The following ATF1 variants were observed in gnomAD, a reference collection of about 807,000 sequenced individuals.
ATF1 encodes the protein cyclic AMP-dependent transcription factor ATF-1.
A neutral mutation model predicts 34.7 loss-of-function variants in ATF1; 16 were observed. That is an observed-to-expected ratio of 0.46 (90% CI 0.31 to 0.70). ATF1 has a LOEUF of 0.70. ATF1 is among the 30% of genes least tolerant of loss of function. The pLI is 0.05. For missense variants in ATF1, 255 were observed against 321.6 expected (o/e 0.79, Z 1.58); for synonymous variants, 105 against 113.1 (o/e 0.93, Z 0.46).
At chr12:50,786,849 A>G (rs1460132960) in intron 2 of ATF1, among the ~76,000 whole-genome samples, 1 of 152,118 alleles carries the variant, frequency 6.6e-6, no homozygotes, top group Non-Finnish European at 1.5e-5. Context: ...AAGCAACAGC[A>G]ATCTACCCCT....
chr12:50,766,139 T>C (rs1940629187), intron 1 of ATF1, among the ~76,000 whole-genome samples: 1 of 152,216 alleles, frequency 6.6e-6, no homozygotes, highest in African/African-American at 2.4e-5. Context: ...ACCCAACGGC[T>C]ACCTTTGGGT....
chr12:50,818,344 A>G (rs891980574), intron 6 of ATF1, among the ~76,000 whole-genome samples: 4 of 152,198 alleles, frequency 2.6e-5, no homozygotes, highest in African/African-American at 7.2e-5. Flanking sequence ...CAGGAGGTCA[A>G]GGTTGCAATG....
chr12:50,790,539 A>G (rs1941280498), intron 2 of ATF1, among the ~76,000 whole-genome samples: 1 of 152,116 alleles, frequency 6.6e-6, no homozygotes, highest in Non-Finnish European at 1.5e-5. Context: ...ATATTGGGGT[A>G]CTGTCAAAGA....
rs1288153702 is a variant in ATF1 at position 50,771,427 on chromosome 12, A to G, written c.-7+7120A>G. 3.3e-5 allele frequency among the ~76,000 whole-genome samples: 5 copies of G among 152,180 alleles called. 1 individual carries two copies. In the South Asian group the frequency reaches 6.2e-4, roughly 19 times the overall value. On this transcript the variant is annotated intron_variant, in intron 1 of 6. Transcript: ENST00000262053. ...ACCACCTTTTGTTGAAACTTGAGTT[A>G]TGAATGAACCTTACCATACTGATGC...
intron 2 of ATF1, among the ~76,000 whole-genome samples, chr12:50,791,664 G>A (rs771327438): frequency 6.6e-6 from 1 of 152,166 alleles, no homozygotes; most frequent in Non-Finnish European, 1.5e-5. Flanking sequence ...AGTAGTCCAG[G>A]ATTTTATTTT....
intron 2 of ATF1, among the ~76,000 whole-genome samples, chr12:50,781,827 A>AT (rs1200311722): frequency 2.0e-5 from 3 of 149,910 alleles, no homozygotes. Flanking sequence ...AAGCAGGAGG[A>AT]TTGTTTGAGC....
rs756090566 is a variant in ATF1 at position 50,780,128 on chromosome 12, T to C, written c.-6-12T>C. On this transcript the variant is annotated splice_polypyrimidine_tract_variant and intron_variant, in intron 1 of 6. Transcript: ENST00000262053. ...CATATTTAATTTTAACGGACTTTTT[T>C]CCCCCTTATAGTTGATTATGGAAGA... is the stretch of plus-strand genomic sequence containing the variant. 6.3e-6 allele frequency: 10 copies of C among 1,579,308 alleles called. No homozygotes were observed. The highest frequency in any genetic ancestry group is 7.0e-6 in the Non-Finnish European group (8 of 1,150,296).
intron 1 of ATF1, chr12:50,775,489 C>G (rs911634004): frequency 2.6e-5 from 4 of 152,100 alleles, no homozygotes; most frequent in Admixed American, 2.0e-4. Context: ...AGTGGGCACC[C>G]CCATCTCCAG....
At chr12:50,812,558 G>A (rs1044727185) in intron 4 of ATF1, among the ~76,000 whole-genome samples, 4 of 152,192 alleles carry the variant, frequency 2.6e-5, no homozygotes, top group Admixed American at 2.6e-4. Flanking sequence ...TCAGCCTGGC[G>A]TGTTGGATCA....
At position 50,790,275 on chromosome 12, in the gene ATF1, G is replaced by C. The variant is rs1487004322; in HGVS notation, c.94-5634G>C. Among the ~76,000 whole-genome samples, 8 of 145,354 alleles carry C rather than the reference G, an allele frequency of 5.5e-5. No individual in the cohort carries two copies. In the East Asian group the frequency reaches 1.6e-3, roughly 30 times the overall value. On this transcript the variant is annotated intron_variant, in intron 2 of 6. Coordinates refer to ENST00000262053, the MANE Select transcript of ATF1 (RefSeq NM_005171.5). Reference sequence around the variant, plus strand: ...GTTGGAGTGCAGTGGCGCAATCACAGCTCACCACAACCTCCACCTCCTGGG... The same window carrying C: ...GTTGGAGTGCAGTGGCGCAATCACACCTCACCACAACCTCCACCTCCTGGG...
chr12:50,801,608 G>A (rs1941512878), intron 3 of ATF1, among the ~76,000 whole-genome samples: 1 of 152,094 alleles, frequency 6.6e-6, no homozygotes, highest in Non-Finnish European at 1.5e-5. Flanking sequence ...ACATGTAAAA[G>A]GTAGTATATG....
chr12:50,806,605 A>G (rs1185940092), intron 3 of ATF1, among the ~76,000 whole-genome samples: 1 of 152,260 alleles, frequency 6.6e-6, no homozygotes, highest in Non-Finnish European at 1.5e-5. Flanking sequence ...TTCATAATTT[A>G]AAATGGAAAA....
chr12:50,802,399 C>T (rs1006154879), intron 3 of ATF1, among the ~76,000 whole-genome samples: 24 of 152,134 alleles, frequency 1.6e-4, no homozygotes, highest in African/African-American at 5.6e-4. Flanking sequence ...GTGGCACGCG[C>T]CTGTAGTTCC....
chr12:50,815,924 C>G (rs1280763614), intron 6 of ATF1, among the ~76,000 whole-genome samples: 1 of 152,086 alleles, frequency 6.6e-6, no homozygotes, highest in Admixed American at 6.5e-5. Flanking sequence ...TTTGCAGCAA[C>G]ATGGATGGAA....
intron 2 of ATF1, among the ~76,000 whole-genome samples, chr12:50,785,377 A>G (rs975586013): frequency 2.0e-5 from 3 of 150,180 alleles, no homozygotes; most frequent in Admixed American, 1.3e-4. Context: ...GAGATGGACA[A>G]TGCTGGATGA....
intron 3 of ATF1, among the ~76,000 whole-genome samples, chr12:50,808,286 T>G (rs577900982): frequency 6.6e-6 from 1 of 152,298 alleles, no homozygotes; most frequent in African/African-American, 2.4e-5. Context: ...ATAGTTTTTC[T>G]TACCTACTTC....
chr12:50,764,572 C>T (rs1264207547), intron 1 of ATF1: 1 of 152,460 alleles, frequency 6.6e-6, no homozygotes, highest in African/African-American at 2.4e-5. Flanking sequence ...CCGAAACCGC[C>T]CGCCGCGGGG....
At chr12:50,768,839 A>G (rs1362201621) in intron 1 of ATF1, among the ~76,000 whole-genome samples, 1 of 152,202 alleles carries the variant, frequency 6.6e-6, no homozygotes, top group African/African-American at 2.4e-5. Flanking sequence ...GAGGTCATAA[A>G]CTGTTTCTTT....
intron 3 of ATF1, among the ~76,000 whole-genome samples, chr12:50,805,506 C>T (rs1941597067): frequency 7.2e-6 from 1 of 139,826 alleles, no homozygotes; most frequent in African/African-American, 2.7e-5. Flanking sequence ...TGCAGTGAGC[C>T]GTGATTGTGC....
Sources: gnomAD v4.1 joint callset for allele counts (sites outside exome capture counted in the v4.1 genomes callset) on GRCh38, gnomAD v4.1.1 for gene constraint, MANE v1.5 for transcripts, NCBI Gene and HGNC (gene_info 2026-07-23, HGNC 2026-07-21) for gene names.